CDC20B: variants seen among roughly 807,000 people sequenced by gnomAD.
CDC20B encodes cell division cycle 20B.
CDC20B carries 58 observed loss-of-function variants against 64.1 expected under a neutral mutation model. The observed-to-expected ratio is 0.90, with a 90% CI of 0.73 to 1.13. The LOEUF is 1.13. Ranked by LOEUF, CDC20B falls within the 50% of genes most tolerant of loss-of-function variation. The pLI is 0.00. For synonymous variants in CDC20B, 243 were observed against 230.6 expected (o/e 1.05, Z -0.49); for missense variants, 597 against 633.0 (o/e 0.94, Z 0.61).
At chr5:55,163,156 A>G (rs1321664665) in intron 2 of CDC20B, among the ~76,000 whole-genome samples, 3 of 152,200 alleles carry the variant, frequency 2.0e-5, no homozygotes. Context: ...AGTCAATAAA[A>G]TGAACATAAA....
chr5:55,159,908 C>A (rs79495092), intron 2 of CDC20B, among the ~76,000 whole-genome samples: 434 of 152,250 alleles, frequency 2.9e-3, no homozygotes, highest in Non-Finnish European at 4.5e-3. Context: ...CATCTTCTGG[C>A]GAAATATTTT....
intron 5 of CDC20B, chr5:55,136,950 G>C (rs1374005168): frequency 2.0e-5 from 3 of 152,358 alleles, no homozygotes; most frequent in African/African-American, 7.2e-5. Context: ...TATTTTGGAA[G>C]GCTGAGGCGG....
rs1042199358 is a variant in CDC20B at position 55,115,082 on chromosome 5, C to T, written c.1460-764G>A. On this transcript the variant is annotated intron_variant, in intron 11 of 11. Coordinates refer to ENST00000381375, the MANE Select transcript of CDC20B (RefSeq NM_001170402.1). ...CTTCCCCCAGAAGTATCCCACTGGG[C>T]CCCAGGTTTCAATAAACTAATCAGA... Among the ~76,000 whole-genome samples, 19 of 152,224 alleles carry T rather than the reference C, an allele frequency of 1.2e-4. 1 individual carries two copies. Among genetic ancestry groups the T allele is most frequent in the East Asian group, 1.2e-3 (6 of 5,176 alleles).
intron 6 of CDC20B, among the ~76,000 whole-genome samples, chr5:55,132,120 T>C (rs1207041506): frequency 6.6e-6 from 1 of 152,220 alleles, no homozygotes; most frequent in African/African-American, 2.4e-5. Flanking sequence ...AAACATTGTT[T>C]CTTTTTAATA....
intron 2 of CDC20B, 82 bp downstream of exon 2, chr5:55,172,506 C>T: frequency 1.7e-6 from 2 of 1,160,846 alleles, no homozygotes; most frequent in Non-Finnish European, 2.6e-6. Flanking sequence ...GCTCAAACTT[C>T]CTACAAATAC....
intron 7 of CDC20B, 97 bp downstream of exon 7, chr5:55,128,324 C>G: frequency 1.1e-6 from 1 of 912,782 alleles, no homozygotes; most frequent in Non-Finnish European, 1.6e-6. Context: ...AGAGCCACAC[C>G]TAGTTTCTCT....
chr5:55,128,392 T>A, intron 7 of CDC20B, 29 bp downstream of exon 7: 1 of 1,546,958 alleles, frequency 6.5e-7, no homozygotes, highest in Non-Finnish European at 8.7e-7. Context: ...ACAGAGAACA[T>A]GATGAGAAAA....
In CDC20B at chr5:55,114,036, C is replaced by T. The variant is rs377539070; in HGVS notation, c.*182G>A. On this transcript the variant is annotated 3_prime_UTR_variant, in exon 12 of 12. Coordinates refer to ENST00000381375, the MANE Select transcript of CDC20B (RefSeq NM_001170402.1). This position sits in a 1 kb window ranked among gnomAD's most constrained non-coding sequence, Gnocchi z 4.1. ...AGAAGAAAGCAGAGAAGAAAAGAAGCGGATCTCTGGGAAGCAGAGCAAGTA... is the reference window on the plus strand; with the variant it reads ...AGAAGAAAGCAGAGAAGAAAAGAAGTGGATCTCTGGGAAGCAGAGCAAGTA... The T allele has an allele frequency of 2.1e-5, 23 of 1,076,720 alleles. No homozygotes were observed. The highest frequency in any genetic ancestry group is 4.8e-5 in the African/African-American group (3 of 62,170). The allele number at this position is 1,076,720 out of a possible 1,614,324, so 66.7% of individuals were successfully genotyped here.
chr5:55,138,595 G>C (rs1240805945), intron 5 of CDC20B, among the ~76,000 whole-genome samples: 1 of 152,034 alleles, frequency 6.6e-6, no homozygotes, highest in Admixed American at 6.6e-5. Flanking sequence ...AAAGTAAATG[G>C]GGGGTTGGAG....
rs375314617 is a variant in CDC20B at position 55,114,221 on chromosome 5, G to T, written c.1557C>A (p.Tyr519Ter). 7.4e-6 allele frequency: 12 copies of T among 1,613,346 alleles called. No homozygotes were observed. The highest frequency in any genetic ancestry group is 4.0e-5 in the African/African-American group (3 of 74,886). Residue 519 changes from tyrosine (Y) to a stop codon, truncating the protein, a stop_gained, in exon 12 of 12, where the codon TAC becomes TAA. Transcript: ENST00000381375. LOFTEE classifies it high-confidence loss of function. The surrounding 1 kb of genome is among the most constrained non-coding windows in gnomAD (Gnocchi z 4.1). ...TGAAACCTAGAGGGGCTGGGTGCTA[G>T]TAGCAATTCCATACAGAGGCCGTCC... ...ADGTASVWNC[Y>*]
At chr5:55,159,448 A>G (rs548096464) in intron 2 of CDC20B, among the ~76,000 whole-genome samples, 6 of 152,264 alleles carry the variant, frequency 3.9e-5, no homozygotes, top group Non-Finnish European at 7.4e-5. Flanking sequence ...GTTGTTTCTC[A>G]GTTGTGTGTT....
chr5:55,125,075 C>A, intron 8 of CDC20B, 47 bp from the exon 9 acceptor site: 1 of 1,457,608 alleles, frequency 6.9e-7, no homozygotes, highest in South Asian at 1.2e-5. Context: ...GCTACATAAA[C>A]ATTTGAAAAC....
chr5:55,117,174 A>G (rs190475275), intron 11 of CDC20B, among the ~76,000 whole-genome samples: 1 of 152,344 alleles, frequency 6.6e-6, no homozygotes, highest in East Asian at 1.9e-4. Flanking sequence ...CTTAAAAATT[A>G]CAACTCTTGA....
At chr5:55,169,431 T>C (rs1044796167) in intron 2 of CDC20B, among the ~76,000 whole-genome samples, 8 of 152,226 alleles carry the variant, frequency 5.3e-5, no homozygotes, top group Admixed American at 3.9e-4. Flanking sequence ...TGGCTGCAAA[T>C]GTCCGCACAA....
chr5:55,142,266 G>A (rs1488105664), intron 4 of CDC20B, among the ~76,000 whole-genome samples: 5 of 152,146 alleles, frequency 3.3e-5, no homozygotes, highest in Admixed American at 6.5e-5. Flanking sequence ...GAAGACACAC[G>A]TTTACTCTAC....
chr5:55,163,035 C>G (rs1223891803), intron 2 of CDC20B, among the ~76,000 whole-genome samples: 2 of 152,020 alleles, frequency 1.3e-5, no homozygotes, highest in Non-Finnish European at 2.9e-5. Context: ...TCATAGGGTC[C>G]CTGTAAGATT....
rs1360252779 is a variant in CDC20B, at chr5:55,119,783, A to G, written c.1459+18T>C. On this transcript the variant is annotated intron_variant, in intron 11 of 11. Transcript: ENST00000381375. ...CTTTGCTATAGGTGCATGGCATTTT[A>G]CTCACCCATTTGCTTACCAAAAAAC... 3.1e-5 allele frequency: 45 copies of G among 1,453,846 alleles called. No homozygotes were observed. Among genetic ancestry groups the G allele is most frequent in the Non-Finnish European group, 4.2e-5 (43 of 1,034,370 alleles). 90.1% of individuals were successfully genotyped at this position (1,453,846 alleles called of 1,614,324 possible).
intron 4 of CDC20B, among the ~76,000 whole-genome samples, chr5:55,141,315 G>A (rs1021983025): frequency 7.9e-5 from 12 of 152,226 alleles, no homozygotes; most frequent in Non-Finnish European, 2.9e-5. Context: ...CTGGGCACGA[G>A]CAAGCCAAGC....
In CDC20B at chr5:55,124,813, G is replaced by C. The variant is rs138334108; in HGVS notation, c.1205C>G (p.Thr402Arg). The C allele has an allele frequency of 3.6e-5, 58 of 1,613,546 alleles. No individual in the cohort carries two copies. Among genetic ancestry groups the C allele is most frequent in the Non-Finnish European group, 4.7e-5 (56 of 1,179,654 alleles). ...GQPLKVITQS[T>R]AVKAMDWCPW... ...TATTGGGTTTCTTACCTTGACTGCC[G>C]TAGACTGGGTTATGACTTTCAGCGG... Residue 402 changes from threonine (T) to arginine (R), a missense_variant, in exon 9 of 12, where the codon ACG becomes AGG. Coordinates refer to ENST00000381375, the MANE Select transcript of CDC20B (RefSeq NM_001170402.1).
Sources: allele counts gnomAD v4.1 joint callset (sites outside exome capture counted in the v4.1 genomes callset), GRCh38; gene constraint gnomAD v4.1.1; non-coding constraint Gnocchi (gnomAD v3.1); transcripts MANE v1.5; gene names NCBI Gene and HGNC (gene_info 2026-07-23, HGNC 2026-07-21).